Variants in RRP15 observed in about 807,000 individuals in gnomAD.
RRP15 encodes the protein ribosomal RNA processing 15 homolog.
Under a neutral mutation model 27.1 loss-of-function variants are expected in RRP15, and 18 were observed. That is an observed-to-expected ratio of 0.66 (90% confidence interval 0.46 to 0.98). The LOEUF is 0.98. Among genes scored for constraint, RRP15 ranks in the 50% least tolerant of loss-of-function variants. The pLI is 0.00. For missense variants in RRP15, 359 were observed against 337.8 expected (o/e 1.06, Z -0.49); for synonymous variants, 107 against 109.4 (o/e 0.98, Z 0.14).
chr1:218,336,113 C>G lies in RRP15; in HGVS notation c.*5022C>G, dbSNP rs1032614871. 1 of 152,068 alleles carries G rather than the reference C, an allele frequency of 6.6e-6. No homozygotes were observed. Among genetic ancestry groups the G allele is most frequent in the African/African-American group, 2.4e-5 (1 of 41,388 alleles). 9.4% of individuals were successfully genotyped at this position (152,068 alleles called of 1,614,324 possible). Reference sequence around the variant, plus strand: ...GAATTCCCATGTTTTTCACTTATATCTAGAGGCCTACTTATTTAGGAGGTT... The same window carrying G: ...GAATTCCCATGTTTTTCACTTATATGTAGAGGCCTACTTATTTAGGAGGTT... On this transcript the variant is annotated 3_prime_UTR_variant, in exon 5 of 5. Transcript: ENST00000366932.
chr1:218,288,667 CATAG>C (rs1486382820), intron 1 of RRP15, among the ~76,000 whole-genome samples: 2 of 152,166 alleles, frequency 1.3e-5, no homozygotes, highest in African/African-American at 4.8e-5. Context: ...ATCAGGAGGA[CATAG>C]ATAATTTTAA....
At position 218,330,950 on chromosome 1, in the gene RRP15, T is replaced by C; in HGVS notation, c.708T>C (p.Thr236=). Residue 236 remains threonine, a splice_region_variant and synonymous_variant, in exon 5 of 5, where the codon ACT becomes ACC. Coordinates refer to ENST00000366932, the MANE Select transcript of RRP15 (RefSeq NM_016052.4). ...SSRKKPKAKQ[T]EVKSEEGPGW... ...TTTGATTCTATAATTTTCCTTAGAC[T>C]GAAGTGAAATCAGAAGAAGGCCCAG... 1 of 1,610,900 alleles carries C rather than the reference T, an allele frequency of 6.2e-7. No individual in the cohort carries two copies. Among genetic ancestry groups the C allele is most frequent in the Non-Finnish European group, 8.5e-7 (1 of 1,177,960 alleles).
intron 4 of RRP15, among the ~76,000 whole-genome samples, chr1:218,309,908 C>T (rs558945443): frequency 2.0e-5 from 3 of 151,932 alleles, no homozygotes; most frequent in Non-Finnish European, 4.4e-5. Flanking sequence ...AAGTGGCTAC[C>T]CCTGTGTGAA....
At chr1:218,328,767 A>G (rs1029145183) in intron 4 of RRP15, among the ~76,000 whole-genome samples, 1 of 152,196 alleles carries the variant, frequency 6.6e-6, no homozygotes, top group Non-Finnish European at 1.5e-5. Flanking sequence ...GGAGTAGCTC[A>G]GTCCAACTAG....
chr1:218,285,615 C>G lies in RRP15; in HGVS notation c.139+160C>G, dbSNP rs1655533363. On this transcript the variant is annotated intron_variant, in intron 1 of 4. Transcript: ENST00000366932. ...GCTTAGTGAGGAGGCTTGGGGAAGTCGTGTTCAGAGAAGTAACGCTGTCAA... is the reference window on the plus strand; with the variant it reads ...GCTTAGTGAGGAGGCTTGGGGAAGTGGTGTTCAGAGAAGTAACGCTGTCAA... Among the ~76,000 whole-genome samples the G allele has an allele frequency of 2.0e-5, 3 of 152,014 alleles. No individual in the cohort carries two copies. In the South Asian group the frequency reaches 6.2e-4, roughly 32 times the overall value.
chr1:218,307,526 A>G lies in RRP15; in HGVS notation c.599A>G (p.Lys200Arg), dbSNP rs781577081. ...EAGSSMRKRA[K>R]LISTVSKKDF... ...GGAAGTTCTATGAGAAAGCGTGCTA[A>G]GTTGATATCAACTGTTTCCAAGAAA... Residue 200 changes from lysine to arginine, a missense_variant, in exon 4 of 5, where the codon AAG (lysine) becomes AGG (arginine). By Grantham distance (26) the Lys-to-Arg change is conservative. Coordinates refer to ENST00000366932, the MANE Select transcript of RRP15 (RefSeq NM_016052.4). 4 of 1,613,878 alleles carry G rather than the reference A, an allele frequency of 2.5e-6. No individual in the cohort carries two copies. In the South Asian group the frequency reaches 3.3e-5, roughly 13 times the overall value.
At chr1:218,295,240 G>A (rs79839836) in intron 1 of RRP15, among the ~76,000 whole-genome samples, 3,223 of 152,236 alleles carry the variant, frequency 0.021, 127 homozygotes, top group African/African-American at 0.07. Flanking sequence ...TTATCCTTGA[G>A]CTACTCAGAT....
intron 4 of RRP15, among the ~76,000 whole-genome samples, chr1:218,330,603 G>GT (rs1264642702): frequency 3.9e-5 from 6 of 152,090 alleles, no homozygotes; most frequent in African/African-American, 1.4e-4. Flanking sequence ...AGGTTAAATA[G>GT]TATTGTAAGT....
chr1:218,295,306 A>G (rs1655702400), intron 1 of RRP15, among the ~76,000 whole-genome samples: 1 of 152,214 alleles, frequency 6.6e-6, no homozygotes, highest in Non-Finnish European at 1.5e-5. Flanking sequence ...GTCTTGGGAC[A>G]GGGTGCGGGG....
Position 218,328,064 on chromosome 1 carries a change from T to G in RRP15, c.706-2884T>G, listed in dbSNP as rs575219436. Among the ~76,000 whole-genome samples the G allele has an allele frequency of 3.3e-5, 5 of 152,370 alleles. No individual in the cohort carries two copies. In the East Asian group the frequency reaches 9.6e-4, roughly 29 times the overall value. ...TTGCTAATAACATATTTTCAAGTTATGCAGATAATGCTGCTGGTGTAAAGA... is the reference window on the plus strand; with the variant it reads ...TTGCTAATAACATATTTTCAAGTTAGGCAGATAATGCTGCTGGTGTAAAGA... On this transcript the variant is annotated intron_variant, in intron 4 of 4. Coordinates refer to ENST00000366932, the MANE Select transcript of RRP15 (RefSeq NM_016052.4).
At chr1:218,288,263 C>T (rs1655580230) in intron 1 of RRP15, among the ~76,000 whole-genome samples, 1 of 152,178 alleles carries the variant, frequency 6.6e-6, no homozygotes, top group African/African-American at 2.4e-5. Context: ...GCAGTGAAGA[C>T]AGAGAAGGGC....
rs148013250 is a variant in RRP15, at chr1:218,327,597, C to A, written c.706-3351C>A. Among the ~76,000 whole-genome samples the A allele has an allele frequency of 4.6e-3, 697 of 152,292 alleles. 24 individuals carry two copies. Among genetic ancestry groups the A allele is most frequent in the Admixed American group, 0.042 (641 of 15,294 alleles). On this transcript the variant is annotated intron_variant, in intron 4 of 4. Transcript: ENST00000366932. ...GGGATTACAGGTGTGAGCCACCACG[C>A]CTGGCCTTAAACAAGGTTTTCTTGA...
At chr1:218,307,339 C>G (rs1375117992) in intron 3 of RRP15, 92 bp from the exon 4 acceptor site, 1 of 1,105,818 alleles carries the variant, frequency 9.0e-7, no homozygotes, top group East Asian at 2.6e-5. Context: ...TGCCTCTTTT[C>G]TAGACAGTGA....
At chr1:218,285,483 T>C in intron 1 of RRP15, 28 bp downstream of exon 1, 1 of 1,612,172 alleles carries the variant, frequency 6.2e-7, no homozygotes, top group Non-Finnish European at 8.5e-7. Flanking sequence ...AGCTTTGGTG[T>C]CTGGGAGGAA....
At chr1:218,313,098 A>T (rs567188535) in intron 4 of RRP15, among the ~76,000 whole-genome samples, 2 of 152,278 alleles carry the variant, frequency 1.3e-5, no homozygotes, top group African/African-American at 4.8e-5. Context: ...TAGACTAAGG[A>T]GGTACATGTA....
At chr1:218,324,389 A>G (rs1298799979) in intron 4 of RRP15, among the ~76,000 whole-genome samples, 5 of 152,146 alleles carry the variant, frequency 3.3e-5, no homozygotes, top group South Asian at 2.1e-4. Context: ...AGGCCATGGC[A>G]GAGGCTCCGG....
At chr1:218,320,664 G>A (rs907759958) in intron 4 of RRP15, among the ~76,000 whole-genome samples, 5 of 151,566 alleles carry the variant, frequency 3.3e-5, no homozygotes, top group Non-Finnish European at 2.9e-5. Flanking sequence ...TGCCATAAAC[G>A]TTTATTATAA....
intron 1 of RRP15, among the ~76,000 whole-genome samples, chr1:218,296,953 C>T (rs925731663): frequency 1.3e-5 from 2 of 152,116 alleles, no homozygotes. Flanking sequence ...CTTCTCTGTT[C>T]CCCAGGTCCT....
chr1:218,301,836 T>G (rs1488878721), intron 1 of RRP15: 1 of 152,972 alleles, frequency 6.5e-6, no homozygotes, highest in East Asian at 1.9e-4. Context: ...GACAAATCCC[T>G]TAGAAGATTT....
Sources: gnomAD v4.1 joint callset for allele counts (sites outside exome capture counted in the v4.1 genomes callset) on GRCh38, gnomAD v4.1.1 for gene constraint, MANE v1.5 for transcripts, NCBI Gene and HGNC (gene_info 2026-07-23, HGNC 2026-07-21) for gene names.